The following UNC13C variants were observed in gnomAD, a reference collection of about 807,000 sequenced individuals.
UNC13C encodes the protein unc-13 homolog C.
A neutral mutation model predicts 245.4 loss-of-function variants in UNC13C; 174 were observed. That is an observed-to-expected ratio of 0.71 (90% confidence interval 0.63 to 0.80). UNC13C has a LOEUF of 0.80. UNC13C is among the 30% of genes least tolerant of loss of function. The pLI is 0.00. For missense variants in UNC13C, 2,829 were observed against 2,602.9 expected (o/e 1.09, Z -1.89); for synonymous variants, 992 against 895.1 (o/e 1.11, Z -1.93).
intron 2 of UNC13C, among the ~76,000 whole-genome samples, chr15:54,072,119 C>G (rs1223562882): frequency 6.6e-6 from 1 of 152,034 alleles, no homozygotes; most frequent in Admixed American, 6.6e-5. Flanking sequence ...CTTTGTTTTC[C>G]TAGTTCTGGG....
chr15:54,437,655 G>C (rs1338133244), intron 19 of UNC13C, among the ~76,000 whole-genome samples: 1 of 151,888 alleles, frequency 6.6e-6, no homozygotes, highest in African/African-American at 2.4e-5. Flanking sequence ...TCAGAGAGTA[G>C]TCAGTTAGTC....
chr15:54,318,908 G>A lies in UNC13C; in HGVS notation c.4269-3031G>A, dbSNP rs537398303. Among the ~76,000 whole-genome samples the A allele has an allele frequency of 2.8e-4, 42 of 151,704 alleles. No homozygotes were observed. In the South Asian group the frequency reaches 8.3e-3, roughly 30 times the overall value. On this transcript the variant is annotated intron_variant, in intron 13 of 32. Coordinates refer to ENST00000260323, the MANE Select transcript of UNC13C (RefSeq NM_001080534.3). ...GCCTTAAGTAAGTTATTCCTGTGTCGCTCTACTATTTATGCTTGAAGTAAC... is the reference window on the plus strand; with the variant it reads ...GCCTTAAGTAAGTTATTCCTGTGTCACTCTACTATTTATGCTTGAAGTAAC...
chr15:53,969,795 GT>G, the UNC13C span, among the ~76,000 whole-genome samples: 4 of 150,938 alleles, frequency 2.7e-5, no homozygotes, highest in Non-Finnish European at 4.4e-5. Flanking sequence ...TATTGACATT[GT>G]TGTGGGACAG....
chr15:53,918,769 G>C, the UNC13C span, among the ~76,000 whole-genome samples: 1 of 152,190 alleles, frequency 6.6e-6, no homozygotes, highest in Non-Finnish European at 1.5e-5. Flanking sequence ...CTTCCTGGAA[G>C]TGCCTGTCAT....
At chr15:54,489,273 G>A (rs1893579000) in intron 19 of UNC13C, among the ~76,000 whole-genome samples, 2 of 152,138 alleles carry the variant, frequency 1.3e-5, no homozygotes, top group Non-Finnish European at 2.9e-5. Context: ...AGGATGACAG[G>A]AAGGTAAAAT....
At chr15:54,037,438 A>T (rs76035470) in intron 2 of UNC13C, among the ~76,000 whole-genome samples, 5,111 of 151,912 alleles carry the variant, frequency 0.034, 239 homozygotes, top group South Asian at 0.13. Context: ...ATGCAAAAAT[A>T]AAAAAAAATT....
At chr15:54,617,843 G>A (rs1164681832) in intron 30 of UNC13C, among the ~76,000 whole-genome samples, 1 of 152,052 alleles carries the variant, frequency 6.6e-6, no homozygotes, top group Non-Finnish European at 1.5e-5. Context: ...GAGCTATGGG[G>A]CAGATGAGCT....
intron 19 of UNC13C, among the ~76,000 whole-genome samples, chr15:54,441,825 A>G (rs1890543268): frequency 6.6e-6 from 1 of 152,010 alleles, no homozygotes; most frequent in Non-Finnish European, 1.5e-5. Flanking sequence ...CCATGAGCAT[A>G]AGATATCTTT....
intron 19 of UNC13C, among the ~76,000 whole-genome samples, chr15:54,449,753 C>A (rs2141005381): frequency 6.6e-6 from 1 of 152,286 alleles, no homozygotes; most frequent in Non-Finnish European, 1.5e-5. Context: ...GTTTGATCGT[C>A]AGAAGCCTTC....
At chr15:54,126,182 G>C (rs2031026252) in intron 2 of UNC13C, among the ~76,000 whole-genome samples, 1 of 152,004 alleles carries the variant, frequency 6.6e-6, no homozygotes, top group Admixed American at 6.6e-5. Context: ...AAAAGTTACA[G>C]CATAATAAAG....
chr15:53,897,764 G>C, the UNC13C span, among the ~76,000 whole-genome samples: 2 of 152,146 alleles, frequency 1.3e-5, no homozygotes, highest in Non-Finnish European at 2.9e-5. Context: ...TGGAAAATCA[G>C]AAAGTGTATT....
intron 4 of UNC13C, among the ~76,000 whole-genome samples, chr15:54,208,048 C>A (rs942304096): frequency 9.2e-5 from 14 of 151,998 alleles, no homozygotes; most frequent in African/African-American, 3.1e-4. Flanking sequence ...AGCATGGCAC[C>A]AACACTTGCT....
chr15:54,047,671 GC>G (rs1360548752), intron 2 of UNC13C, among the ~76,000 whole-genome samples: 4 of 151,940 alleles, frequency 2.6e-5, no homozygotes, highest in African/African-American at 9.7e-5. Context: ...AGTTGTTTCC[GC>G]CTTTTGCTAT....
At chr15:54,080,004 C>CTTTTTTTTTTTTTTTTTTTTTTTCTTAAA (rs561788499) in intron 2 of UNC13C, among the ~76,000 whole-genome samples, 1 of 128,100 alleles carries the variant, frequency 7.8e-6, no homozygotes. Context: ...GTTTGTCGAG[C>CTTTTTTTTTTTTTTTTTTTTTTTCTTAAA]GGTTTTTTTT....
At chr15:54,113,682 TG>T (rs1331777116) in intron 2 of UNC13C, among the ~76,000 whole-genome samples, 2 of 151,944 alleles carry the variant, frequency 1.3e-5, no homozygotes, top group African/African-American at 2.4e-5. Flanking sequence ...AAAAATTAGC[TG>T]GGCGTGGTGG....
At chr15:54,296,384 T>A (rs867793757) in intron 11 of UNC13C, among the ~76,000 whole-genome samples, 17 of 56,512 alleles carry the variant, frequency 3.0e-4, no homozygotes, top group Admixed American at 1.4e-3. Flanking sequence ...TTTTTTTTTA[T>A]TTTTTTTTAT....
At chr15:54,090,525 C>G (rs1015859069) in intron 2 of UNC13C, among the ~76,000 whole-genome samples, 1 of 152,180 alleles carries the variant, frequency 6.6e-6, no homozygotes, top group Admixed American at 6.5e-5. Context: ...TGACTACTTA[C>G]ATTTAGAAAG....
the UNC13C span, among the ~76,000 whole-genome samples, chr15:53,956,037 T>C: frequency 2.6e-5 from 4 of 152,184 alleles, no homozygotes; most frequent in South Asian, 6.2e-4. Flanking sequence ...AATATGGATG[T>C]AGCTGGAAGC....
At chr15:54,559,856 T>G (rs536718142) in intron 29 of UNC13C, among the ~76,000 whole-genome samples, 7 of 151,900 alleles carry the variant, frequency 4.6e-5, no homozygotes, top group Non-Finnish European at 1.5e-5. Context: ...ACTGGCTGAG[T>G]ATCACAGGGA....
Sources: allele counts gnomAD v4.1 joint callset (sites outside exome capture counted in the v4.1 genomes callset), GRCh38; gene constraint gnomAD v4.1.1; transcripts MANE v1.5; gene names NCBI Gene and HGNC (gene_info 2026-07-23, HGNC 2026-07-21).